Variants in CASTOR2 observed in about 807,000 individuals in gnomAD.
CASTOR2 encodes the protein GATS protein like 2.
In CASTOR2, 8 loss-of-function variants were observed where a neutral mutation model predicts 31.2. That is an observed-to-expected ratio of 0.26 (90% CI 0.15 to 0.46). The LOEUF is 0.46. CASTOR2 is among the 20% of genes least tolerant of loss of function. The pLI is 0.99. For missense variants in CASTOR2, 216 were observed against 382.1 expected (o/e 0.57, Z 3.62); for synonymous variants, 162 against 158.7 (o/e 1.02, Z -0.16).
chr7:74,966,759 C>CT (rs1803578688), intron 1 of CASTOR2, among the ~76,000 whole-genome samples: 1 of 51,726 alleles, frequency 1.9e-5, no homozygotes, highest in African/African-American at 3.9e-5. Context: ...TGCACAGGGC[C>CT]TGGGTGCTGG....
Position 75,028,078 on chromosome 7 carries a change from G to T in CASTOR2, c.*3379G>T. On this transcript the variant is annotated 3_prime_UTR_variant, in exon 9 of 9. Transcript: ENST00000616305. ...CTTGGCGCTGGCGGATGGGGCAGGT[G>T]CCTGGCGGGGGAGGAAGAGGGCTCT... The T allele has an allele frequency of 2.0e-6, 3 of 1,532,038 alleles. No individual in the cohort carries two copies. The highest frequency in any genetic ancestry group is 2.6e-6 in the Non-Finnish European group (3 of 1,146,014). 94.9% of individuals were successfully genotyped at this position (1,532,038 alleles called of 1,614,324 possible).
chr7:75,009,617 C>T (rs587702918), intron 2 of CASTOR2, among the ~76,000 whole-genome samples: 298 of 151,994 alleles, frequency 2.0e-3, no homozygotes, highest in Admixed American at 3.2e-3. Flanking sequence ...AAGTGGCCCC[C>T]CCCGCCCCCA....
In CASTOR2 at chr7:75,026,149, A is replaced by C. The variant is rs1805122216; in HGVS notation, c.*1450A>C. ...TTCCAGTGGGGTGGTTTTCTGAATG[A>C]GCAGGACCAAGGGCCCCTGTGGTTT... On this transcript the variant is annotated 3_prime_UTR_variant, in exon 9 of 9. Coordinates refer to ENST00000616305, the MANE Select transcript of CASTOR2 (RefSeq NM_001145064.3). 6.9e-6 allele frequency among the ~76,000 whole-genome samples: 1 copy of C among 145,476 alleles called. No homozygotes were observed. The highest frequency in any genetic ancestry group is 1.5e-5 in the Non-Finnish European group (1 of 66,758).
At chr7:75,015,046 C>G (rs1443566352) in intron 2 of CASTOR2, among the ~76,000 whole-genome samples, 38 of 152,250 alleles carry the variant, frequency 2.5e-4, no homozygotes, top group Non-Finnish European at 5.1e-4. Context: ...TAGCCACCCA[C>G]TGGCTGACCA....
chr7:75,010,250 C>T (rs1358836448), intron 2 of CASTOR2, among the ~76,000 whole-genome samples: 1 of 151,966 alleles, frequency 6.6e-6, no homozygotes, highest in African/African-American at 2.4e-5. Flanking sequence ...AGGAAGAAAA[C>T]ATGTCAGAGG....
rs1346454751 is a variant in CASTOR2, at chr7:75,031,054, T to C, written c.*6355T>C. On this transcript the variant is annotated 3_prime_UTR_variant, in exon 9 of 9. Coordinates refer to ENST00000616305, the MANE Select transcript of CASTOR2 (RefSeq NM_001145064.3). ...CCCTTCCACTGCCTCAGTTTACCTG[T>C]ATTCAGAAGACAGTCTAGGAAGAGT... Among the ~76,000 whole-genome samples, 3 of 152,250 alleles carry C rather than the reference T, an allele frequency of 2.0e-5. No homozygotes were observed. Among genetic ancestry groups the C allele is most frequent in the African/African-American group, 4.8e-5 (2 of 41,470 alleles).
In CASTOR2 at chr7:75,026,189, G is replaced by GTTTTTTTTTTTTTTTTTTT. The variant is rs879121750; in HGVS notation, c.*1507_*1508insTTTTTTTTTTTTTTTTTTT. 4.5e-3 allele frequency among the ~76,000 whole-genome samples: 534 copies of GTTTTTTTTTTTTTTTTTTT among 117,594 alleles called. 22 individuals are homozygous for GTTTTTTTTTTTTTTTTTTT. Among genetic ancestry groups the GTTTTTTTTTTTTTTTTTTT allele is most frequent in the Non-Finnish European group, 6.6e-3 (372 of 56,636 alleles). 77.1% of individuals were successfully genotyped at this position (117,594 alleles called of 152,430 possible). A position where few individuals can be genotyped will look rare whatever the true frequency, so the allele number is the denominator to read the frequency against. ...CCCTGTGGTTTTGGCTCTGGCGGGG[G>GTTTTTTTTTTTTTTTTTTT]TTTTTTTTTTTTTTTTTGAGATGGG... On this transcript the variant is annotated 3_prime_UTR_variant, in exon 9 of 9. Transcript: ENST00000616305.
chr7:75,008,303 G>A (rs1382561619), intron 2 of CASTOR2, among the ~76,000 whole-genome samples: 1 of 152,098 alleles, frequency 6.6e-6, no homozygotes, highest in Non-Finnish European at 1.5e-5. Flanking sequence ...CTGCTCTTGA[G>A]ATTGCCCTAG....
chr7:75,020,984 T>A (rs1433462744), intron 6 of CASTOR2, among the ~76,000 whole-genome samples: 1 of 151,178 alleles, frequency 6.6e-6, no homozygotes, highest in Non-Finnish European at 1.5e-5. Context: ...TTTATTTTAT[T>A]TTTTTTTAAT....
At chr7:75,008,142 TCCCCCGCCCACCTCCTTATTTCTGC>T (rs1295995674) in intron 2 of CASTOR2, 78 bp downstream of exon 2, 23 of 1,466,576 alleles carry the variant, frequency 1.6e-5, no homozygotes, top group Middle Eastern at 2.1e-4. Context: ...CTTATTTCTG[TCCCCCGCCCACCTCCTTATTTCTGC>T]CCCCACCTAC....
chr7:75,027,648 C>T lies in CASTOR2; in HGVS notation c.*2949C>T, dbSNP rs1383369498. On this transcript the variant is annotated 3_prime_UTR_variant, in exon 9 of 9. Coordinates refer to ENST00000616305, the MANE Select transcript of CASTOR2 (RefSeq NM_001145064.3). ...CTGGGGCCAGGGTATGGCTCTCCGC[C>T]CTGGCTGGCTCTGCAGGGGTGGTCC... is the stretch of plus-strand genomic sequence containing the variant. 2 of 276,276 alleles carry T rather than the reference C, an allele frequency of 7.2e-6. No individual in the cohort carries two copies. Among genetic ancestry groups the T allele is most frequent in the African/African-American group, 4.6e-5 (2 of 43,274 alleles). 17.1% of individuals were successfully genotyped at this position (276,276 alleles called of 1,614,324 possible).
chr7:75,012,013 C>T (rs1234374795), intron 2 of CASTOR2, among the ~76,000 whole-genome samples: 4 of 151,722 alleles, frequency 2.6e-5, no homozygotes, highest in Admixed American at 2.0e-4. Context: ...ATTTTACAAG[C>T]GAGAAAGCAA....
Position 75,023,477 on chromosome 7 carries a change from G to C in CASTOR2, c.830-963G>C, listed in dbSNP as rs1228864020. Among the ~76,000 whole-genome samples the C allele has an allele frequency of 1.6e-4, 7 of 44,658 alleles. No individual in the cohort carries two copies. The East Asian group carries it at 4.1e-3, about 26-fold the overall frequency. 29.3% of individuals were successfully genotyped at this position (44,658 alleles called of 152,430 possible). On this transcript the variant is annotated intron_variant, in intron 7 of 8. Coordinates refer to ENST00000616305, the MANE Select transcript of CASTOR2 (RefSeq NM_001145064.3). ...CATTTTTTTTTTCTTTTTGTTTTTT[G>C]TTTTTTTTTTTTTTGAGACCGGATC...
intron 1 of CASTOR2, among the ~76,000 whole-genome samples, chr7:75,003,596 A>G (rs1312166036): frequency 1.3e-5 from 2 of 151,988 alleles, no homozygotes; most frequent in African/African-American, 4.8e-5. Flanking sequence ...TAAAAATACA[A>G]AAAATTAGTT....
At chr7:74,999,409 G>C (rs1804438370) in intron 1 of CASTOR2, among the ~76,000 whole-genome samples, 1 of 151,940 alleles carries the variant, frequency 6.6e-6, no homozygotes, top group Non-Finnish European at 1.5e-5. Flanking sequence ...TGAAAGGGCA[G>C]CTTCTAGTTG....
In CASTOR2 at chr7:75,028,116, A is replaced by C. The variant is rs1438031516; in HGVS notation, c.*3417A>C. 2.7e-5 allele frequency: 34 copies of C among 1,263,828 alleles called. No individual in the cohort carries two copies. The highest frequency in any genetic ancestry group is 3.4e-5 in the Non-Finnish European group (33 of 959,190). The allele number at this position is 1,263,828 out of a possible 1,614,324, so 78.3% of individuals were successfully genotyped here. On this transcript the variant is annotated 3_prime_UTR_variant, in exon 9 of 9. Transcript: ENST00000616305. ...GGAAGAGGGCTCTCTATGATGTGGAATTTTTTTTTTTTTTTTTTTGAGACG... is the reference window on the plus strand; with the variant it reads ...GGAAGAGGGCTCTCTATGATGTGGACTTTTTTTTTTTTTTTTTTTGAGACG...
At position 75,024,869 on chromosome 7, in the gene CASTOR2, C is replaced by A; in HGVS notation, c.*170C>A. On this transcript the variant is annotated 3_prime_UTR_variant, in exon 9 of 9. Transcript: ENST00000616305. The stretch of plus-strand genomic sequence containing the variant: ...ATCCCTCCAGGGCAGGGGCCCACGC[C>A]AAGGCCTCTCCATGCCCTCCTGCCT... 4 of 1,499,244 alleles carry A rather than the reference C, an allele frequency of 2.7e-6. No individual in the cohort carries two copies. The highest frequency in any genetic ancestry group is 3.6e-6 in the Non-Finnish European group (4 of 1,107,886). The allele number at this position is 1,499,244 out of a possible 1,614,324, so 92.9% of individuals were successfully genotyped here.
chr7:75,012,340 G>A (rs1804770092), intron 2 of CASTOR2, among the ~76,000 whole-genome samples: 1 of 152,188 alleles, frequency 6.6e-6, no homozygotes, highest in Middle Eastern at 3.4e-3. Flanking sequence ...GTCTCGCTCT[G>A]TCCCCAGACT....
chr7:74,974,989 G>A (rs1481880010), intron 1 of CASTOR2, among the ~76,000 whole-genome samples: 1 of 150,200 alleles, frequency 6.7e-6, no homozygotes, highest in Non-Finnish European at 1.5e-5. Flanking sequence ...TGTTTTTGGA[G>A]ATGGAGTTAC....
Sources: allele counts gnomAD v4.1 joint callset (sites outside exome capture counted in the v4.1 genomes callset), GRCh38; gene constraint gnomAD v4.1.1; transcripts MANE v1.5; gene names NCBI Gene and HGNC (gene_info 2026-07-23, HGNC 2026-07-21).